Variants in SEMA4D observed in about 807,000 individuals in gnomAD.
The protein encoded by SEMA4D is semaphorin 4D, also known as semaphorin-4D.
SEMA4D carries 22 observed loss-of-function variants against 74.8 expected under a neutral mutation model. The observed-to-expected ratio is 0.29, with a 90% CI of 0.21 to 0.42. SEMA4D has a LOEUF of 0.42. SEMA4D is among the 10% of genes least tolerant of loss of function. SEMA4D has a pLI of 1.00. For missense variants in SEMA4D, 937 were observed against 1,118.4 expected (o/e 0.84, Z 2.31); for synonymous variants, 445 against 463.7 (o/e 0.96, Z 0.52).
chr9:89,377,112 C>T, downstream of SEMA4D: 2 of 1,485,798 alleles, frequency 1.3e-6, no homozygotes, highest in South Asian at 2.7e-5. Context: ...AGGAGCACGT[C>T]ACAGGCCAGA....
intron 4 of SEMA4D, 131 bp from the exon 5 acceptor site, chr9:89,399,469 G>T: frequency 1.4e-6 from 1 of 698,720 alleles, no homozygotes; most frequent in Non-Finnish European, 2.5e-6. Flanking sequence ...TTCTCAGACT[G>T]CAAGGGAGGT....
downstream of SEMA4D, chr9:89,376,802 G>A (rs959353180): frequency 2.6e-6 from 4 of 1,534,990 alleles, no homozygotes; most frequent in Non-Finnish European, 3.5e-6. Context: ...CAGATGGACA[G>A]GGCACAGGGG....
Position 89,418,252 on chromosome 9 carries a change from G to C in SEMA4D, c.-243-12553C>G, listed in dbSNP as rs867124847. The C allele has an allele frequency of 8.7e-6, 6 of 693,150 alleles. No homozygotes were observed. In the African/African-American group the frequency reaches 9.7e-5, roughly 11 times the overall value. The allele number at this position is 693,150 out of a possible 1,614,324, so 42.9% of individuals were successfully genotyped here. A position where few individuals can be genotyped will look rare whatever the true frequency, so the allele number is the denominator to read the frequency against. ...ACCTTCTAGACTTCCTTAGACGCAG[G>C]ATCAGCTTGGCTTGCATGTGCTGGG... On this transcript the variant is annotated intron_variant, in intron 2 of 15. Coordinates refer to ENST00000422704, the MANE Select transcript of SEMA4D (RefSeq NM_001371194.2).
intron 2 of SEMA4D, among the ~76,000 whole-genome samples, chr9:89,447,909 C>T (rs960001484): frequency 6.6e-6 from 1 of 152,236 alleles, no homozygotes; most frequent in Middle Eastern, 3.2e-3. Context: ...CCAGCCTTGG[C>T]TCCATCAATC....
intron 2 of SEMA4D, among the ~76,000 whole-genome samples, chr9:89,426,916 G>A (rs975549138): frequency 2.0e-5 from 3 of 152,132 alleles, no homozygotes; most frequent in Non-Finnish European, 2.9e-5. Context: ...CACAACACCC[G>A]GCTACGATGG....
At chr9:89,408,215 G>C (rs1843726400) in intron 2 of SEMA4D, among the ~76,000 whole-genome samples, 1 of 152,204 alleles carries the variant, frequency 6.6e-6, no homozygotes. Context: ...TTATTGCTCT[G>C]ACAAATACGA....
chr9:89,436,752 C>T (rs1189322183), intron 2 of SEMA4D, among the ~76,000 whole-genome samples: 1 of 152,208 alleles, frequency 6.6e-6, no homozygotes. Flanking sequence ...GGGGTTGCGG[C>T]CCAGCACCCA....
At chr9:89,438,217 G>A (rs1420505374) in intron 2 of SEMA4D, among the ~76,000 whole-genome samples, 2 of 152,238 alleles carry the variant, frequency 1.3e-5, no homozygotes, top group Non-Finnish European at 2.9e-5. Flanking sequence ...TGGCCATGAA[G>A]GCAAGTTTTA....
intron 4 of SEMA4D, among the ~76,000 whole-genome samples, chr9:89,400,360 T>C (rs1841930217): frequency 6.6e-6 from 1 of 152,156 alleles, no homozygotes; most frequent in South Asian, 2.1e-4. Flanking sequence ...AAATGCCCCC[T>C]CTCTCTGTGA....
At chr9:89,442,582 T>C (rs1161691468) in intron 2 of SEMA4D, among the ~76,000 whole-genome samples, 1 of 152,134 alleles carries the variant, frequency 6.6e-6, no homozygotes, top group Non-Finnish European at 1.5e-5. Context: ...CCTCTTCCTC[T>C]ACTTGCTAGA....
intron 1 of SEMA4D, among the ~76,000 whole-genome samples, chr9:89,483,528 A>T: frequency 6.6e-6 from 1 of 152,240 alleles, no homozygotes; most frequent in Middle Eastern, 3.2e-3. Context: ...TACATAGTGT[A>T]CACACATTGA....
chr9:89,476,202 C>G (rs1022518277), intron 1 of SEMA4D, among the ~76,000 whole-genome samples: 1 of 152,194 alleles, frequency 6.6e-6, no homozygotes, highest in Non-Finnish European at 1.5e-5. Flanking sequence ...CTGGGGCAGG[C>G]TTCTGGGAGC....
At chr9:89,454,626 G>A (rs990063449) in intron 2 of SEMA4D, among the ~76,000 whole-genome samples, 1 of 152,214 alleles carries the variant, frequency 6.6e-6, no homozygotes. Context: ...GTCCCTCCTG[G>A]GGCTACCGAG....
At position 89,379,505 on chromosome 9, in the gene SEMA4D, G is replaced by A. The variant is rs377303343; in HGVS notation, c.1788C>T (p.Ala596=). 1.1e-5 allele frequency: 17 copies of A among 1,613,944 alleles called. No individual in the cohort carries two copies. The highest frequency in any genetic ancestry group is 6.7e-5 in the East Asian group (3 of 44,896). ...FWKFQNGVLK[A]ESPKYGLMGR... Reference sequence around the variant, plus strand: ...CCATAAGACCGTACTTGGGGCTCTCGGCCTTCAACACGCCATTCTGGAACT... The same window carrying A: ...CCATAAGACCGTACTTGGGGCTCTCAGCCTTCAACACGCCATTCTGGAACT... The change falls in exon 16 of 16, where the codon GCC becomes GCT. Residue 596 remains alanine (A), a synonymous_variant. Transcript: ENST00000422704.
intron 1 of SEMA4D, among the ~76,000 whole-genome samples, chr9:89,459,654 G>A (rs148634180): frequency 2.0e-5 from 3 of 152,142 alleles, no homozygotes; most frequent in African/African-American, 7.2e-5. Flanking sequence ...CCCAAAGGGG[G>A]CTGACCCTCA....
At chr9:89,458,699 G>A (rs1451295874) in intron 1 of SEMA4D, among the ~76,000 whole-genome samples, 1 of 151,738 alleles carries the variant, frequency 6.6e-6, no homozygotes, top group East Asian at 1.9e-4. Context: ...ACATACACAT[G>A]CACATATATA....
At position 89,402,989 on chromosome 9, in the gene SEMA4D, G is replaced by T; in HGVS notation, c.134C>A (p.Pro45Gln). Residue 45 changes from proline to glutamine, a missense_variant, in exon 4 of 16, where the codon CCA (proline) becomes CAA (glutamine). Coordinates refer to ENST00000422704, the MANE Select transcript of SEMA4D (RefSeq NM_001371194.2). The stretch of plus-strand genomic sequence containing the variant: ...CAAGGCTGAGTAGTTGTAGATGTCT[G>T]GCTCATGAAACTGCACCAGGTGCAC... Reference protein sequence around the residue: ...REVHLVQFHEPDIYNYSALLL... With the variant: ...REVHLVQFHEQDIYNYSALLL... 1 of 1,612,242 alleles carries T rather than the reference G, an allele frequency of 6.2e-7. No homozygotes were observed. The highest frequency in any genetic ancestry group is 8.5e-7 in the Non-Finnish European group (1 of 1,178,310).
intron 6 of SEMA4D, 143 bp downstream of exon 6, chr9:89,396,594 C>T: frequency 1.4e-6 from 1 of 706,824 alleles, no homozygotes; most frequent in Non-Finnish European, 2.4e-6. Context: ...GGGCCACAAG[C>T]TGCCCCCGTT....
At chr9:89,379,711 AC>A in intron 15 of SEMA4D, 82 bp from the exon 16 acceptor site, 2 of 1,459,968 alleles carry the variant, frequency 1.4e-6, no homozygotes, top group Non-Finnish European at 1.9e-6. Flanking sequence ...CCACAAGATG[AC>A]GCAAGAGTTT....
Sources: gnomAD v4.1 joint callset for allele counts (sites outside exome capture counted in the v4.1 genomes callset) on GRCh38, gnomAD v4.1.1 for gene constraint, MANE v1.5 for transcripts, NCBI Gene and HGNC (gene_info 2026-07-23, HGNC 2026-07-21) for gene names.